Variants in CAPN7 observed in about 807,000 individuals in gnomAD.
CAPN7 encodes the protein calpain-7.
A neutral mutation model predicts 115.2 loss-of-function variants in CAPN7; 72 were observed. The observed-to-expected ratio is 0.63, with a 90% CI of 0.52 to 0.76. The LOEUF is 0.76. CAPN7 is among the 30% of genes least tolerant of loss of function. The pLI is 0.00. For missense variants in CAPN7, 905 were observed against 971.5 expected (o/e 0.93, Z 0.91); for synonymous variants, 344 against 322.3 (o/e 1.07, Z -0.72).
chr3:15,219,742 G>A (rs958398442), intron 4 of CAPN7, among the ~76,000 whole-genome samples: 1 of 152,166 alleles, frequency 6.6e-6, no homozygotes, highest in Non-Finnish European at 1.5e-5. Context: ...TGCACCTCAG[G>A]TTAAGAACTT....
intron 2 of CAPN7, among the ~76,000 whole-genome samples, chr3:15,215,315 G>T (rs1277085261): frequency 6.6e-6 from 1 of 152,120 alleles, no homozygotes; most frequent in Non-Finnish European, 1.5e-5. Flanking sequence ...CAAAATCTCA[G>T]ACTTTTCTTA....
At chr3:15,207,633 TTTTG>T (rs1027644383) in intron 1 of CAPN7, among the ~76,000 whole-genome samples, 3 of 150,100 alleles carry the variant, frequency 2.0e-5, no homozygotes, top group African/African-American at 5.0e-5. Flanking sequence ...TGGTAAGTTT[TTTTG>T]TTTCTTTTTT....
Position 15,208,475 on chromosome 3 carries a change from TG to T in CAPN7, c.102+1879del, listed in dbSNP as rs1386067501. Among the ~76,000 whole-genome samples, 342 of 148,800 alleles carry T rather than the reference TG, an allele frequency of 2.3e-3. 1 individual carries two copies. Among genetic ancestry groups the T allele is most frequent in the African/African-American group, 8.2e-3 (328 of 40,204 alleles). On this transcript the variant is annotated intron_variant, in intron 1 of 20. Coordinates refer to ENST00000253693, the MANE Select transcript of CAPN7 (RefSeq NM_014296.3). ...CTAATTTTTTTTTTTTTTTTTTTTT[TG>T]TGTAGAAATGGAGTCTCGCTGTGTT...
chr3:15,208,453 AT>A (rs1218217326), intron 1 of CAPN7, among the ~76,000 whole-genome samples: 252 of 126,146 alleles, frequency 2.0e-3, no homozygotes, highest in East Asian at 5.4e-3. Context: ...CACTTGGCTA[AT>A]TTTTTTTTTT....
At chr3:15,226,912 G>A (rs563303131) in intron 6 of CAPN7, among the ~76,000 whole-genome samples, 6 of 151,924 alleles carry the variant, frequency 3.9e-5, no homozygotes, top group Admixed American at 6.6e-5. Flanking sequence ...TCTATTACTA[G>A]GAAATCTTTT....
intron 2 of CAPN7, among the ~76,000 whole-genome samples, chr3:15,213,690 CA>C (rs1436360351): frequency 2.6e-5 from 4 of 152,080 alleles, no homozygotes; most frequent in African/African-American, 7.2e-5. Context: ...AAATATGAAT[CA>C]TTTTTTTCTA....
At chr3:15,222,070 CAA>C (rs58470950) in intron 5 of CAPN7, among the ~76,000 whole-genome samples, 161 of 135,304 alleles carry the variant, frequency 1.2e-3, no homozygotes, top group Admixed American at 1.3e-3. Context: ...TTACATGCAT[CAA>C]AAAAAAAAAA....
At position 15,247,384 on chromosome 3, in the gene CAPN7, C is replaced by G. The variant is rs777072642; in HGVS notation, c.2131C>G (p.His711Asp). The G allele has an allele frequency of 2.5e-6, 4 of 1,610,206 alleles. No homozygotes were observed. Among genetic ancestry groups the G allele is most frequent in the Non-Finnish European group, 2.5e-6 (3 of 1,177,848 alleles). The change falls in exon 19 of 21, where the codon CAC becomes GAC. Residue 711 changes from histidine to aspartate, a missense_variant. Physicochemically the swap from His to Asp is moderately conservative, Grantham distance 81. Around this residue, in one of 3 missense-constraint regions of CAPN7, gnomAD observed 620 missense variants for 703.4 expected, o/e 0.88. Transcript: ENST00000253693. ...AGGCGNFQET[H>D]KNNPIYQFHI... is the part of the protein sequence containing the mutation. The stretch of plus-strand genomic sequence containing the variant: ...AGGATGTGGAAATTTCCAAGAGACT[C>G]ACAAAAATAACCCCATCTACCAATT...
chr3:15,209,688 G>A (rs1422346677), intron 1 of CAPN7, among the ~76,000 whole-genome samples: 1 of 152,196 alleles, frequency 6.6e-6, no homozygotes, highest in African/African-American at 2.4e-5. Context: ...GAAAAATTGT[G>A]TGTGTTTTGT....
intron 5 of CAPN7, among the ~76,000 whole-genome samples, chr3:15,221,345 AATTTTTTT>A (rs1693972291): frequency 8.0e-6 from 1 of 124,872 alleles, no homozygotes; most frequent in Non-Finnish European, 1.6e-5. Context: ...ACATCTGACT[AATTTTTTT>A]TTTTTTTTTT....
chr3:15,216,742 G>A (rs537755777), intron 2 of CAPN7, among the ~76,000 whole-genome samples: 1 of 152,156 alleles, frequency 6.6e-6, no homozygotes, highest in East Asian at 1.9e-4. Context: ...CCAAGTTTTT[G>A]TTTTGTCTTT....
intron 2 of CAPN7, among the ~76,000 whole-genome samples, chr3:15,215,913 C>G (rs759755591): frequency 4.6e-5 from 7 of 152,146 alleles, no homozygotes; most frequent in Non-Finnish European, 7.3e-5. Context: ...GGGTGAAACC[C>G]CGTCTCTACT....
chr3:15,241,198 C>T (rs912057903), intron 14 of CAPN7, among the ~76,000 whole-genome samples: 1 of 152,132 alleles, frequency 6.6e-6, no homozygotes, highest in South Asian at 2.1e-4. Flanking sequence ...GAGCAAGACT[C>T]TGTCTCAAAA....
At chr3:15,218,172 G>T (rs1022920640) in intron 3 of CAPN7, among the ~76,000 whole-genome samples, 6 of 152,154 alleles carry the variant, frequency 3.9e-5, no homozygotes, top group African/African-American at 1.4e-4. Flanking sequence ...TAGGTGCCTT[G>T]AGACTAAATG....
chr3:15,243,747 G>A (rs544938430), intron 16 of CAPN7, among the ~76,000 whole-genome samples: 1 of 148,666 alleles, frequency 6.7e-6, no homozygotes, highest in East Asian at 2.0e-4. Flanking sequence ...AAGAACTTAC[G>A]AACACAAAGA....
chr3:15,240,423 T>G, intron 12 of CAPN7, 50 bp from the exon 13 acceptor site: 1 of 1,542,902 alleles, frequency 6.5e-7, no homozygotes, highest in Non-Finnish European at 8.9e-7. Flanking sequence ...ACTAATATGG[T>G]AAAAACTGTT....
intron 4 of CAPN7, 41 bp downstream of exon 4, chr3:15,218,581 T>TA: frequency 7.2e-7 from 1 of 1,390,368 alleles, no homozygotes; most frequent in Non-Finnish European, 1.0e-6. Flanking sequence ...GGATGGCACT[T>TA]AGTGTTATTT....
intron 2 of CAPN7, among the ~76,000 whole-genome samples, chr3:15,214,055 T>C (rs1393766607): frequency 8.5e-5 from 13 of 152,156 alleles, no homozygotes; most frequent in African/African-American, 3.1e-4. Context: ...TGATTTTTTA[T>C]ATTTTTAGTA....
rs1695300174 is a variant in CAPN7, at chr3:15,240,862, T to C, written c.1652+9T>C. On this transcript the variant is annotated intron_variant, in intron 14 of 20. Coordinates refer to ENST00000253693, the MANE Select transcript of CAPN7 (RefSeq NM_014296.3). The stretch of plus-strand genomic sequence containing the variant: ...TCAACATGTATTCACAGGTAACTTT[T>C]TGCACATTGCAGAGTATGCTTTATA... The C allele has an allele frequency of 6.7e-7, 1 of 1,503,410 alleles. No homozygotes were observed. Among genetic ancestry groups the C allele is most frequent in the African/African-American group, 1.4e-5 (1 of 72,398 alleles). The allele number at this position is 1,503,410 out of a possible 1,614,324, so 93.1% of individuals were successfully genotyped here.
Sources: allele counts gnomAD v4.1 joint callset (sites outside exome capture counted in the v4.1 genomes callset), GRCh38; gene constraint gnomAD v4.1.1; regional missense constraint gnomAD v4.1.1; transcripts MANE v1.5; gene names NCBI Gene and HGNC (gene_info 2026-07-23, HGNC 2026-07-21).